Variants in LETM1 observed in about 807,000 individuals in gnomAD.
The protein encoded by LETM1 is mitochondrial proton/calcium exchanger protein.
A neutral mutation model predicts 74.5 loss-of-function variants in LETM1; 50 were observed. That is an observed-to-expected ratio of 0.67 (90% CI 0.53 to 0.85). LETM1 has a LOEUF of 0.85. Ranked by LOEUF, LETM1 falls within the 40% of genes least tolerant of loss-of-function variation. The pLI is 0.00. For synonymous variants in LETM1, 446 were observed against 407.1 expected (o/e 1.10, Z -1.15); for missense variants, 824 against 967.8 (o/e 0.85, Z 1.97).
chr4:1,838,011 A>G (rs1712514964), intron 3 of LETM1, among the ~76,000 whole-genome samples: 1 of 152,138 alleles, frequency 6.6e-6, no homozygotes, highest in Non-Finnish European at 1.5e-5. Context: ...AACCAAGAAA[A>G]TAACTTCTTA....
rs553445292 is a variant in LETM1, at chr4:1,825,815, A to G, written c.1081-132T>C. On this transcript the variant is annotated intron_variant, in intron 6 of 13. Transcript: ENST00000302787. ...AATCAAACCACGGCCACCAAAGCCC[A>G]GTTCTAGGTTAGAAGTGACTGGAAG... 7.8e-5 allele frequency: 83 copies of G among 1,066,436 alleles called. No individual in the cohort carries two copies. The Admixed American group carries it at 1.8e-3, about 24-fold the overall frequency. The allele number at this position is 1,066,436 out of a possible 1,614,324, so 66.1% of individuals were successfully genotyped here.
In LETM1 at chr4:1,841,683, C is replaced by A; in HGVS notation, c.258G>T (p.Ala86=). 2 of 1,614,218 alleles carry A rather than the reference C, an allele frequency of 1.2e-6. No individual in the cohort carries two copies. The highest frequency in any genetic ancestry group is 1.7e-5 in the Admixed American group (1 of 60,032). ...RPECLRIVSR[A]PWTSTSVGFV... ...AACCCACAGAGGTAGAGGTCCATGG[C>A]GCTCTCGACACTATGCGAAGGCACT... The change falls in exon 3 of 14, where the codon GCG becomes GCT. Residue 86 remains alanine (A), a synonymous_variant. Transcript: ENST00000302787.
At chr4:1,826,241 C>T (rs1005881980) in intron 6 of LETM1, among the ~76,000 whole-genome samples, 6 of 152,172 alleles carry the variant, frequency 3.9e-5, no homozygotes, top group African/African-American at 7.2e-5. Flanking sequence ...AGGCAGATGC[C>T]GGCAACAGGG....
chr4:1,828,945 G>A (rs1712141730), intron 6 of LETM1, among the ~76,000 whole-genome samples: 1 of 110,324 alleles, frequency 9.1e-6, no homozygotes, highest in South Asian at 3.1e-4. Flanking sequence ...GCCGGGCAGA[G>A]GCGCCCCTCA....
intron 2 of LETM1, among the ~76,000 whole-genome samples, chr4:1,848,160 T>C (rs1712946438): frequency 6.6e-6 from 1 of 152,098 alleles, no homozygotes; most frequent in African/African-American, 2.4e-5. Context: ...TCCCAGCACT[T>C]TGGGAGGCTA....
chr4:1,824,128 G>C (rs1711897932), intron 7 of LETM1, among the ~76,000 whole-genome samples: 1 of 152,202 alleles, frequency 6.6e-6, no homozygotes, highest in South Asian at 2.1e-4. Flanking sequence ...TTCGAGACCA[G>C]CCTGGCCAAC....
intron 3 of LETM1, among the ~76,000 whole-genome samples, chr4:1,838,393 C>T (rs1235239185): frequency 2.0e-5 from 3 of 152,008 alleles, no homozygotes; most frequent in South Asian, 4.1e-4. Flanking sequence ...CCACTGCGCC[C>T]GGCCAGGATT....
At chr4:1,832,216 C>T (rs1022126189) in intron 6 of LETM1, among the ~76,000 whole-genome samples, 24 of 152,172 alleles carry the variant, frequency 1.6e-4, no homozygotes, top group Admixed American at 1.4e-3. Context: ...GCAGGAGAAT[C>T]GCTTGAACCC....
At chr4:1,833,215 G>A in intron 5 of LETM1, 1 of 458,444 alleles carries the variant, frequency 2.2e-6, no homozygotes, top group Non-Finnish European at 4.0e-6. Flanking sequence ...GGGATTACAG[G>A]CTGCGCCACC....
chr4:1,826,666 G>A (rs562540129), intron 6 of LETM1, among the ~76,000 whole-genome samples: 142 of 152,324 alleles, frequency 9.3e-4, no homozygotes, highest in Non-Finnish European at 1.6e-3. Context: ...ACTGCCATGC[G>A]GCATTCTGCA....
At chr4:1,843,543 T>C (rs1712778977) in intron 2 of LETM1, among the ~76,000 whole-genome samples, 1 of 152,164 alleles carries the variant, frequency 6.6e-6, no homozygotes, top group South Asian at 2.1e-4. Context: ...TCTCCCAGGC[T>C]CAAAATCTTC....
intron 6 of LETM1, among the ~76,000 whole-genome samples, chr4:1,831,507 C>T (rs1354092958): frequency 6.6e-6 from 1 of 152,264 alleles, no homozygotes; most frequent in African/African-American, 2.4e-5. Flanking sequence ...CCCAACTCTC[C>T]GCTGGGCCCC....
chr4:1,814,474 C>T lies in LETM1; in HGVS notation c.2170G>A (p.Glu724Lys). The T allele has an allele frequency of 6.2e-7, 1 of 1,614,168 alleles. No homozygotes were observed. The highest frequency in any genetic ancestry group is 8.5e-7 in the Non-Finnish European group (1 of 1,179,982). ...TTCTCTGCCTTCTCTTTGGCCTTCT[C>T]CTTCTCCTCCACCTTCTCCTCTTTT... Reference protein sequence around the residue: ...LEKEEKVEEKEKAKEKAEKEV... With the variant: ...LEKEEKVEEKKKAKEKAEKEV... The change falls in exon 14 of 14, where the codon GAG becomes AAG. Residue 724 changes from glutamate to lysine, a missense_variant. This residue lies in a region of LETM1 where 161 missense variants were observed against 252.7 expected (regional missense o/e 0.64). Transcript: ENST00000302787.
chr4:1,852,220 C>A (rs1713092675), intron 1 of LETM1, among the ~76,000 whole-genome samples: 1 of 152,180 alleles, frequency 6.6e-6, no homozygotes. Context: ...TTGAGGGTTC[C>A]CATGACCGCC....
At chr4:1,846,410 G>A (rs560078278) in intron 2 of LETM1, 2 of 151,974 alleles carry the variant, frequency 1.3e-5, no homozygotes, top group Non-Finnish European at 2.9e-5. Flanking sequence ...GGGATTACAA[G>A]AACATACCAC....
chr4:1,818,838 T>C (rs1211888773), intron 11 of LETM1, among the ~76,000 whole-genome samples: 1 of 151,830 alleles, frequency 6.6e-6, no homozygotes, highest in African/African-American at 2.4e-5. Flanking sequence ...TCCCAGCACT[T>C]TGAGAGGGCG....
rs768441372 is a variant in LETM1, at chr4:1,849,141, T to A, written c.143+8A>T. The A allele has an allele frequency of 3.1e-6, 5 of 1,604,162 alleles. No individual in the cohort carries two copies. The highest frequency in any genetic ancestry group is 8.5e-7 in the Non-Finnish European group (1 of 1,170,854). On this transcript the variant is annotated splice_region_variant and intron_variant, in intron 2 of 13. Coordinates refer to ENST00000302787, the MANE Select transcript of LETM1 (RefSeq NM_012318.3). The stretch of plus-strand genomic sequence containing the variant: ...CAGACAGGTGCAGAGTGATACTGAT[T>A]TACTCACAGGCAGTTCCTCAACCCC...
chr4:1,825,489 C>T (rs1424645206), intron 7 of LETM1, 75 bp downstream of exon 7: 2 of 1,545,324 alleles, frequency 1.3e-6, no homozygotes, highest in Non-Finnish European at 1.8e-6. Context: ...TTGGGAAGAG[C>T]CTCCGAGTGG....
chr4:1,845,236 T>C (rs1189471668), intron 2 of LETM1, among the ~76,000 whole-genome samples: 1 of 152,158 alleles, frequency 6.6e-6, no homozygotes, highest in Non-Finnish European at 1.5e-5. Flanking sequence ...CTCAGAGATC[T>C]GGGCCATTTC....
Sources: allele counts gnomAD v4.1 joint callset (sites outside exome capture counted in the v4.1 genomes callset), GRCh38; gene constraint gnomAD v4.1.1; regional missense constraint gnomAD v4.1.1; transcripts MANE v1.5; gene names NCBI Gene and HGNC (gene_info 2026-07-23, HGNC 2026-07-21).